SLC12A2: variants seen among roughly 807,000 people sequenced by gnomAD.
The protein encoded by SLC12A2 is Na-K-2Cl cotransporter 1.
SLC12A2 carries 67 observed loss-of-function variants against 136.3 expected under a neutral mutation model. The observed-to-expected ratio is 0.49, with a 90% CI of 0.40 to 0.60. The LOEUF (loss-of-function observed/expected upper bound fraction) is 0.60. SLC12A2 is among the 20% of genes least tolerant of loss of function. The pLI, the probability that SLC12A2 is intolerant of heterozygous loss-of-function variation, is 0.00. For missense variants in SLC12A2, 1,322 were observed against 1,534.7 expected, an observed-to-expected ratio of 0.86 and a Z score of 2.32; for synonymous variants, 619 against 562.9, an observed-to-expected ratio of 1.10 and a Z score of -1.41.
At chr5:128,184,343 A>G in intron 24 of SLC12A2, 23 bp from the exon 25 acceptor site, 1 of 1,394,502 alleles carries the variant, frequency 7.2e-7, no homozygotes, top group Non-Finnish European at 9.7e-7. Context: ...ATTAGTTGTC[A>G]GTATTCTTTC....
In SLC12A2 at chr5:128,184,394, C is replaced by A; in HGVS notation, c.3328C>A (p.Pro1110Thr). ...NIIAFEEIIE[P>T]YRLHEDDKEQ... is the part of the protein sequence containing the mutation. ...TATAGCTTTTGAGGAAATCATTGAG[C>A]CATACAGACTTCATGAAGATGATAA... The change falls in exon 25 of 27, where the codon CCA (proline) becomes ACA (threonine). Residue 1110 changes from proline (P) to threonine (T), a missense_variant. Physicochemically the swap from Pro to Thr is conservative, Grantham distance 38. Around this residue, in one of 8 missense-constraint regions of SLC12A2, gnomAD observed 172 missense variants for 227.4 expected, o/e 0.76. Transcript: ENST00000262461. 1 of 1,574,206 alleles carries A rather than the reference C, an allele frequency of 6.4e-7. No individual in the cohort carries two copies. The highest frequency in any genetic ancestry group is 2.3e-5 in the East Asian group (1 of 43,982).
At chr5:128,108,027 G>C (rs1761009277) in intron 1 of SLC12A2, among the ~76,000 whole-genome samples, 1 of 152,070 alleles carries the variant, frequency 6.6e-6, no homozygotes, top group Non-Finnish European at 1.5e-5. Flanking sequence ...TTTCTCTAAT[G>C]ACCAGTGATG....
At chr5:128,163,124 AATAG>A (rs1016037907) in intron 17 of SLC12A2, among the ~76,000 whole-genome samples, 7 of 152,164 alleles carry the variant, frequency 4.6e-5, no homozygotes, top group African/African-American at 1.4e-4. Context: ...CGCTGTCCAA[AATAG>A]GAAAGCAACC....
intron 14 of SLC12A2, 133 bp downstream of exon 14, chr5:128,151,529 A>G (rs1762701429): frequency 6.6e-6 from 5 of 753,732 alleles, no homozygotes; most frequent in African/African-American, 1.9e-5. Flanking sequence ...TATAAAACCT[A>G]AAATACTTTA....
At chr5:128,134,339 G>A (rs1386547463) in intron 6 of SLC12A2, 64 bp downstream of exon 6, 2 of 862,440 alleles carry the variant, frequency 2.3e-6, no homozygotes, top group East Asian at 4.9e-5. Context: ...TATGTTTTGG[G>A]AACACTCTGA....
chr5:128,118,585 G>A (rs1468529496), intron 4 of SLC12A2, among the ~76,000 whole-genome samples: 2 of 152,032 alleles, frequency 1.3e-5, no homozygotes, highest in South Asian at 2.1e-4. Context: ...GTGGGAGGTG[G>A]GTGAGGGATA....
At chr5:128,182,747 CAT>C in intron 23 of SLC12A2, 106 bp from the exon 24 acceptor site, 1 of 688,592 alleles carries the variant, frequency 1.5e-6, no homozygotes, top group Non-Finnish European at 2.5e-6. Context: ...TATTGTTTAG[CAT>C]ATGATAGACT....
chr5:128,183,983 T>A (rs10463839), intron 24 of SLC12A2, among the ~76,000 whole-genome samples: 34,409 of 151,944 alleles, frequency 0.23, 4,025 homozygotes, highest in East Asian at 0.33. Flanking sequence ...GATTTTTTTT[T>A]AAATTTTGGA....
chr5:128,116,907 G>A (rs765250858), intron 4 of SLC12A2, among the ~76,000 whole-genome samples: 8 of 151,890 alleles, frequency 5.3e-5, no homozygotes, highest in Non-Finnish European at 1.2e-4. Context: ...GTTTATTTTG[G>A]TATCATGAAA....
chr5:128,177,481 A>G (rs946363446), intron 21 of SLC12A2: 1 of 185,290 alleles, frequency 5.4e-6, no homozygotes, highest in Non-Finnish European at 1.1e-5. Flanking sequence ...TTGCAGTGTC[A>G]CTTGCATTCT....
At chr5:128,182,347 G>A (rs1763731214) in intron 23 of SLC12A2, among the ~76,000 whole-genome samples, 1 of 152,006 alleles carries the variant, frequency 6.6e-6, no homozygotes, top group Admixed American at 6.6e-5. Flanking sequence ...CAGGCTTGTT[G>A]ATGATCCTTT....
rs527320615 is a variant in SLC12A2, at chr5:128,104,655, A to C, written c.757-8159A>C. Among the ~76,000 whole-genome samples the C allele has an allele frequency of 8.6e-5, 11 of 128,234 alleles. 1 individual carries two copies. The South Asian group carries it at 1.4e-3, about 16-fold the overall frequency. 84.1% of individuals were successfully genotyped at this position (128,234 alleles called of 152,430 possible). On this transcript the variant is annotated intron_variant, in intron 1 of 26. Transcript: ENST00000262461. Reference sequence around the variant, plus strand: ...TCAAAAAAAAGAAAAAAAAATATATATATATAGATATATAGATATATAGAT... The same window carrying C: ...TCAAAAAAAAGAAAAAAAAATATATCTATATAGATATATAGATATATAGAT...
intron 4 of SLC12A2, among the ~76,000 whole-genome samples, chr5:128,114,972 C>G (rs1281710886): frequency 6.6e-6 from 1 of 152,148 alleles, no homozygotes; most frequent in Non-Finnish European, 1.5e-5. Flanking sequence ...AAGGCTTGCC[C>G]TTGGATCAGT....
At chr5:128,147,015 A>G (rs1762549405) in intron 10 of SLC12A2, among the ~76,000 whole-genome samples, 1 of 151,638 alleles carries the variant, frequency 6.6e-6, no homozygotes, top group African/African-American at 2.4e-5. Context: ...AATAAAAGGA[A>G]AAGGAAATGT....
rs1345401546 is a variant in SLC12A2, at chr5:128,158,153, C to T, written c.2464C>T (p.His822Tyr). Reference sequence around the variant, plus strand: ...AAATGTTGGTTTGATGATCTGTGGCCATGTACATATGGTAAGTATCAATTT... The same window carrying T: ...AAATGTTGGTTTGATGATCTGTGGCTATGTACATATGGTAAGTATCAATTT... ...TKNVGLMICGHVHMGPRRQAM... is the reference protein window; with the variant it reads ...TKNVGLMICGYVHMGPRRQAM... Residue 822 changes from histidine (H) to tyrosine (Y), a missense_variant, in exon 16 of 27, where the codon CAT becomes TAT. His to Tyr is a moderately conservative substitution (Grantham distance 83). This residue lies in a region of SLC12A2 where 294 missense variants were observed against 436.6 expected (regional missense o/e 0.67). Coordinates refer to ENST00000262461, the MANE Select transcript of SLC12A2 (RefSeq NM_001046.3). 1.9e-6 allele frequency: 3 copies of T among 1,609,308 alleles called. No individual in the cohort carries two copies. Among genetic ancestry groups the T allele is most frequent in the Non-Finnish European group, 2.5e-6 (3 of 1,177,758 alleles).
chr5:128,155,965 G>A (rs1762857581), intron 15 of SLC12A2, among the ~76,000 whole-genome samples: 1 of 152,070 alleles, frequency 6.6e-6, no homozygotes, highest in South Asian at 2.1e-4. Context: ...TCTATTAAAT[G>A]TAGCTTACTT....
At chr5:128,142,556 GTT>G (rs1248301406) in intron 10 of SLC12A2, among the ~76,000 whole-genome samples, 7 of 152,146 alleles carry the variant, frequency 4.6e-5, no homozygotes, top group African/African-American at 7.2e-5. Flanking sequence ...TAGTGTGTGT[GTT>G]TTTATATATG....
At chr5:128,177,018 T>C in intron 20 of SLC12A2, 87 bp from the exon 21 acceptor site, 1 of 765,062 alleles carries the variant, frequency 1.3e-6, no homozygotes, top group Non-Finnish European at 2.0e-6. Flanking sequence ...TTATATTTTG[T>C]TTATAAATGT....
chr5:128,164,393 G>T (rs1763137765), intron 17 of SLC12A2, among the ~76,000 whole-genome samples: 1 of 152,024 alleles, frequency 6.6e-6, no homozygotes, highest in Non-Finnish European at 1.5e-5. Context: ...TATCAGTGTG[G>T]GGCAAAGTTT....
Sources: gnomAD v4.1 joint callset for allele counts (sites outside exome capture counted in the v4.1 genomes callset) on GRCh38, gnomAD v4.1.1 for gene constraint, gnomAD v4.1.1 regional missense constraint, MANE v1.5 for transcripts, NCBI Gene and HGNC (gene_info 2026-07-23, HGNC 2026-07-21) for gene names.